Variants in INSC observed in about 807,000 individuals in gnomAD.
The protein encoded by INSC is INSC spindle orientation adaptor protein, also known as protein inscuteable homolog.
INSC carries 67 observed loss-of-function variants against 58.6 expected under a neutral mutation model. The ratio of observed to expected loss-of-function variants is 1.14; its 90% CI spans 0.94 to 1.40. INSC has a LOEUF of 1.40. Ranked by LOEUF, INSC falls within the 40% of genes most tolerant of loss-of-function variation. INSC has a pLI of 0.00. For missense variants in INSC, 714 were observed against 692.0 expected (o/e 1.03, Z -0.36); for synonymous variants, 262 against 276.1 (o/e 0.95, Z 0.51).
intron 12 of INSC, among the ~76,000 whole-genome samples, chr11:15,243,660 G>A (rs980676872): frequency 4.6e-5 from 7 of 152,002 alleles, no homozygotes; most frequent in African/African-American, 2.4e-5. Context: ...TCTCTCTGCC[G>A]CTCTCTGTTG....
At chr11:15,191,791 C>G (rs1052872098) in intron 6 of INSC, among the ~76,000 whole-genome samples, 2 of 152,166 alleles carry the variant, frequency 1.3e-5, no homozygotes, top group Non-Finnish European at 2.9e-5. Context: ...TGCCCTTAGT[C>G]TCTTTTTGTG....
downstream of INSC, among the ~76,000 whole-genome samples, chr11:15,247,716 C>A (rs1408044529): frequency 3.0e-5 from 3 of 100,732 alleles, no homozygotes; most frequent in Admixed American, 9.9e-5. Context: ...TACAAAGCTT[C>A]CATTTTTAGA....
At chr11:15,249,400 G>A (rs1286911117), downstream of INSC, among the ~76,000 whole-genome samples, 2 of 152,176 alleles carry the variant, frequency 1.3e-5, no homozygotes, top group Non-Finnish European at 2.9e-5. Flanking sequence ...ATAGGTAGAA[G>A]CAAATAATAT....
At chr11:15,122,993 C>T (rs367904302) in intron 1 of INSC, among the ~76,000 whole-genome samples, 22 of 152,306 alleles carry the variant, frequency 1.4e-4, no homozygotes, top group African/African-American at 5.3e-4. Context: ...CCTACATCTC[C>T]CTACCCAGCA....
intron 7 of INSC, among the ~76,000 whole-genome samples, chr11:15,215,698 G>A (rs763326254): frequency 6.6e-6 from 1 of 152,206 alleles, no homozygotes; most frequent in Admixed American, 6.5e-5. Context: ...TATAAGAACT[G>A]CCCTGAGTGG....
intron 2 of INSC, among the ~76,000 whole-genome samples, chr11:15,170,047 C>T (rs7935916): frequency 0.013 from 1,928 of 152,306 alleles, 48 homozygotes; most frequent in African/African-American, 0.045. Context: ...ATAAGCTACA[C>T]TTATCCTCTT....
chr11:15,138,972 AT>A (rs1323235172), intron 1 of INSC, among the ~76,000 whole-genome samples: 4 of 152,240 alleles, frequency 2.6e-5, no homozygotes, highest in Non-Finnish European at 4.4e-5. Context: ...TGAGGAAGAA[AT>A]AAAATCAGAG....
At chr11:15,180,690 G>GT (rs1849741477) in intron 5 of INSC, among the ~76,000 whole-genome samples, 2 of 96,504 alleles carry the variant, frequency 2.1e-5, no homozygotes, top group South Asian at 5.4e-4. Context: ...AGTGAGGGGG[G>GT]GGGCGGGGGG....
At chr11:15,154,997 A>G (rs1848766496) in intron 2 of INSC, among the ~76,000 whole-genome samples, 2 of 152,164 alleles carry the variant, frequency 1.3e-5, no homozygotes, top group African/African-American at 4.8e-5. Flanking sequence ...TGCCCTGTTC[A>G]GGTTTTATAG....
intron 9 of INSC, among the ~76,000 whole-genome samples, chr11:15,234,161 G>T (rs74317896): frequency 2.0e-5 from 3 of 152,138 alleles, no homozygotes; most frequent in Non-Finnish European, 2.9e-5. Context: ...CAGGATAAAG[G>T]TTCTGGAGTA....
intron 1 of INSC, among the ~76,000 whole-genome samples, chr11:15,140,522 C>CT (rs1348871702): frequency 2.6e-5 from 4 of 151,710 alleles, no homozygotes; most frequent in Non-Finnish European, 5.9e-5. Flanking sequence ...CCAGGTGTAG[C>CT]TTGGCTTGCT....
downstream of INSC, among the ~76,000 whole-genome samples, chr11:15,248,825 A>G (rs1454917961): frequency 6.6e-6 from 1 of 152,218 alleles, no homozygotes; most frequent in African/African-American, 2.4e-5. Context: ...TCAAATAACA[A>G]AAGTTTTAGT....
At chr11:15,248,800 T>C (rs1379433429), downstream of INSC, among the ~76,000 whole-genome samples, 1 of 152,224 alleles carries the variant, frequency 6.6e-6, no homozygotes. Context: ...GGAAACAGAC[T>C]TTAACTCAGG....
chr11:15,149,828 G>T (rs1023899310), intron 2 of INSC, among the ~76,000 whole-genome samples: 1 of 152,156 alleles, frequency 6.6e-6, no homozygotes, highest in Non-Finnish European at 1.5e-5. Context: ...TGGTCCTGGA[G>T]CCTGAACCCT....
downstream of INSC, among the ~76,000 whole-genome samples, chr11:15,247,733 G>GTCTATAGATATATATATATATA (rs1852605032): frequency 7.8e-6 from 1 of 127,458 alleles, no homozygotes; most frequent in African/African-American, 2.9e-5. Flanking sequence ...TAGAAATAAG[G>GTCTATAGATATATATATATATA]TATATATATA....
chr11:15,163,687 G>C (rs1205174185), intron 2 of INSC, among the ~76,000 whole-genome samples: 1 of 152,138 alleles, frequency 6.6e-6, no homozygotes, highest in Non-Finnish European at 1.5e-5. Flanking sequence ...TCCGCTTCCT[G>C]GGTTCAAGCG....
rs145506306 is a variant in INSC, at chr11:15,183,443, ATG to A, written c.579+5010_579+5011del. The stretch of plus-strand genomic sequence containing the variant: ...AATTCAGATATATTGTAGTGTGTGT[ATG>A]TGTGTGTGTGTGTATGTGTGTTGTT... On this transcript the variant is annotated intron_variant, in intron 5 of 12. Transcript: ENST00000379556. Among the ~76,000 whole-genome samples the A allele has an allele frequency of 5.0e-3, 740 of 149,406 alleles. 4 individuals are homozygous for A. The highest frequency in any genetic ancestry group is 0.017 in the African/African-American group (692 of 40,652).
the INSC span, among the ~76,000 whole-genome samples, chr11:15,261,155 C>T: frequency 2.0e-5 from 3 of 152,178 alleles, no homozygotes; most frequent in Non-Finnish European, 4.4e-5. Context: ...TGCTCTGTTG[C>T]TTGCTTGATC....
At chr11:15,199,650 A>G (rs549036118) in intron 6 of INSC, among the ~76,000 whole-genome samples, 26 of 152,314 alleles carry the variant, frequency 1.7e-4, no homozygotes, top group African/African-American at 6.0e-4. Flanking sequence ...CCTTCTTCCT[A>G]TAACATTTTG....
Sources: allele counts gnomAD v4.1 joint callset (sites outside exome capture counted in the v4.1 genomes callset), GRCh38; gene constraint gnomAD v4.1.1; transcripts MANE v1.5; gene names NCBI Gene and HGNC (gene_info 2026-07-23, HGNC 2026-07-21).